NEK10: variants seen among roughly 807,000 people sequenced by gnomAD.
The protein encoded by NEK10 is NIMA related kinase 10, also known as serine/threonine-protein kinase Nek10.
Under a neutral mutation model 159.8 loss-of-function variants are expected in NEK10, and 122 were observed. That is an observed-to-expected ratio of 0.76 (90% CI 0.66 to 0.89). The LOEUF (loss-of-function observed/expected upper bound fraction) is 0.89, where lower values mean the gene tolerates loss of function less well. NEK10 is among the 40% of genes least tolerant of loss of function. The pLI is 0.00. For missense variants in NEK10, 1,342 were observed against 1,323.1 expected (o/e 1.01, Z -0.22); for synonymous variants, 466 against 457.1 (o/e 1.02, Z -0.25).
intron 33 of NEK10, 101 bp from the exon 34 acceptor site, chr3:27,116,228 A>G: frequency 1.0e-6 from 1 of 997,684 alleles, no homozygotes; most frequent in Non-Finnish European, 1.5e-6. Context: ...AAACAGGTCA[A>G]TTTCTTAATG....
chr3:27,137,091 T>C (rs1943293694), intron 31 of NEK10, among the ~76,000 whole-genome samples: 1 of 152,242 alleles, frequency 6.6e-6, no homozygotes. Context: ...TTGAAAGTCA[T>C]TGACTTTGTT....
At position 27,256,288 on chromosome 3, in the gene NEK10, G is replaced by C; in HGVS notation, c.2090+8C>G. 7.0e-7 allele frequency: 1 copy of C among 1,429,016 alleles called. No individual in the cohort carries two copies. The highest frequency in any genetic ancestry group is 9.4e-7 in the Non-Finnish European group (1 of 1,059,732). The allele number at this position is 1,429,016 out of a possible 1,614,324, so 88.5% of individuals were successfully genotyped here. ...GATGTTTGAGAGCCATAAAAGAATT[G>C]TCCTTACCAAGAATACAGGATTGTT... On this transcript the variant is annotated splice_region_variant and intron_variant, in intron 23 of 35. Transcript: ENST00000691995.
intron 15 of NEK10, 126 bp from the exon 16 acceptor site, chr3:27,293,778 C>T: frequency 1.8e-6 from 1 of 548,818 alleles, no homozygotes; most frequent in Non-Finnish European, 3.2e-6. Context: ...CAAGTTGGAG[C>T]CAAAGCTTCT....
At chr3:27,113,323 C>T (rs915454751) in intron 35 of NEK10, among the ~76,000 whole-genome samples, 1 of 149,526 alleles carries the variant, frequency 6.7e-6, no homozygotes, top group Non-Finnish European at 1.5e-5. Context: ...CCCAGCAACT[C>T]GGGAGGCTGA....
chr3:27,119,207 G>A (rs1177525459), intron 33 of NEK10, among the ~76,000 whole-genome samples: 1 of 152,180 alleles, frequency 6.6e-6, no homozygotes, highest in African/African-American at 2.4e-5. Context: ...GGAAACTGGG[G>A]TTCAGAGAGG....
At chr3:27,160,579 C>A (rs1382142425) in intron 30 of NEK10, among the ~76,000 whole-genome samples, 1 of 152,132 alleles carries the variant, frequency 6.6e-6, no homozygotes, top group East Asian at 1.9e-4. Flanking sequence ...CAAAACCTAA[C>A]CACTCTTTTT....
chr3:27,281,439 A>G (rs1185771472), intron 22 of NEK10, among the ~76,000 whole-genome samples: 1 of 152,102 alleles, frequency 6.6e-6, no homozygotes, highest in Admixed American at 6.6e-5. Flanking sequence ...TACCTCATGT[A>G]TCAAGAAATA....
chr3:27,245,687 G>T (rs1291391758), intron 23 of NEK10, among the ~76,000 whole-genome samples: 1 of 152,094 alleles, frequency 6.6e-6, no homozygotes, highest in Non-Finnish European at 1.5e-5. Context: ...TAAATTTTGG[G>T]ATGGATTGTT....
chr3:27,137,100 T>C (rs1943295038), intron 31 of NEK10, among the ~76,000 whole-genome samples: 1 of 152,228 alleles, frequency 6.6e-6, no homozygotes, highest in Admixed American at 6.5e-5. Context: ...ATTGACTTTG[T>C]TTAGCACTAT....
At chr3:27,280,912 GGTGTGTGTGTGT>G in intron 22 of NEK10, among the ~76,000 whole-genome samples, 1 of 137,716 alleles carries the variant, frequency 7.3e-6, no homozygotes, top group South Asian at 2.4e-4. Flanking sequence ...ATGTACATAT[GGTGTGTGTGTGT>G]GTGTGTGTGT....
chr3:27,217,316 A>C (rs979699553), intron 23 of NEK10, among the ~76,000 whole-genome samples: 1 of 152,218 alleles, frequency 6.6e-6, no homozygotes, highest in East Asian at 1.9e-4. Context: ...TTTATAAAGA[A>C]AAAAGTTTTA....
At position 27,346,085 on chromosome 3, in the gene NEK10, C is replaced by A; in HGVS notation, c.263+1G>T. 7 of 1,613,434 alleles carry A rather than the reference C, an allele frequency of 4.3e-6. No homozygotes were observed. Among genetic ancestry groups the A allele is most frequent in the Non-Finnish European group, 3.4e-6 (4 of 1,179,536 alleles). On this transcript the variant is annotated splice_donor_variant, in intron 4 of 35. Coordinates refer to ENST00000691995, the MANE Select transcript of NEK10 (RefSeq NM_001394966.1). LOFTEE classifies it high-confidence loss of function. ...GACGAAGGAGATGCTGGATTTCTTA[C>A]CTAAAATTTTCAAGTTCAACAGCTT...
At chr3:27,353,890 T>G (rs1314981520) in intron 1 of NEK10, among the ~76,000 whole-genome samples, 1 of 152,070 alleles carries the variant, frequency 6.6e-6, no homozygotes, top group Non-Finnish European at 1.5e-5. Context: ...TTAGCATCTA[T>G]TTTTACTCTA....
At chr3:27,204,806 G>A (rs1299525546) in intron 23 of NEK10, among the ~76,000 whole-genome samples, 2 of 143,126 alleles carry the variant, frequency 1.4e-5, no homozygotes, top group Non-Finnish European at 3.1e-5. Context: ...ATGATTTATA[G>A]TCATTTGGGT....
At chr3:27,215,065 G>A (rs947892774) in intron 23 of NEK10, 1 of 562,798 alleles carries the variant, frequency 1.8e-6, no homozygotes, top group Non-Finnish European at 3.3e-6. Context: ...CCGGCTTCCC[G>A]CTCCAACCCC....
rs1169799574 is a variant in NEK10 at position 27,113,009 on chromosome 3, T to A, written c.3300-1689A>T. The stretch of plus-strand genomic sequence containing the variant: ...TTAGTAGGTGCTTCTAATTGAAGCC[T>A]GACTTATTTCTTGGAAATTATTTTG... On this transcript the variant is annotated intron_variant, in intron 35 of 35. Transcript: ENST00000691995. Among the ~76,000 whole-genome samples, 13 of 152,352 alleles carry A rather than the reference T, an allele frequency of 8.5e-5. No individual in the cohort carries two copies. In the East Asian group the frequency reaches 1.9e-3, roughly 23 times the overall value.
Position 27,290,669 on chromosome 3 carries a change from C to T in NEK10, c.1691G>A (p.Arg564Gln), listed in dbSNP as rs1333620708. Residue 564 changes from arginine (R) to glutamine (Q), a missense_variant, in exon 19 of 36, where the codon CGA (arginine) becomes CAA (glutamine). Transcript: ENST00000691995. ...NPAFGKDKKDRDSSVRNIVSE... is the reference protein window; with the variant it reads ...NPAFGKDKKDQDSSVRNIVSE... ...AACAATATTCCTTACGCTGCTGTCT[C>T]GATCTTTCTTATCCTTTCCAAATGC... The T allele has an allele frequency of 1.6e-5, 25 of 1,608,306 alleles. No individual in the cohort carries two copies. In the African/African-American group the frequency reaches 2.4e-4, roughly 15 times the overall value.
At chr3:27,266,510 G>A (rs1293264763) in intron 22 of NEK10, among the ~76,000 whole-genome samples, 6 of 152,162 alleles carry the variant, frequency 3.9e-5, no homozygotes, top group Admixed American at 3.3e-4. Flanking sequence ...TGTCTCCTAG[G>A]CATCTCAAAA....
chr3:27,243,830 G>GGTGTGTGTGT (rs56720203), intron 23 of NEK10, among the ~76,000 whole-genome samples: 2 of 148,272 alleles, frequency 1.3e-5, no homozygotes, highest in Non-Finnish European at 3.0e-5. Context: ...TGACACCATG[G>GGTGTGTGTGT]GTGTGTGTGT....
Sources: gnomAD v4.1 joint callset for allele counts (sites outside exome capture counted in the v4.1 genomes callset) on GRCh38, gnomAD v4.1.1 for gene constraint, MANE v1.5 for transcripts, NCBI Gene and HGNC (gene_info 2026-07-23, HGNC 2026-07-21) for gene names.